NCOR1: variants seen among roughly 807,000 people sequenced by gnomAD.
NCOR1 encodes the protein nuclear receptor corepressor 1.
Under a neutral mutation model 288.1 loss-of-function variants are expected in NCOR1, and 63 were observed. That is an observed-to-expected ratio of 0.22 (90% CI 0.18 to 0.27). The LOEUF (loss-of-function observed/expected upper bound fraction) is 0.27, where lower values mean the gene tolerates loss of function less well. NCOR1 is among the 10% of genes least tolerant of loss of function. The pLI is 1.00. For missense variants in NCOR1, 2,397 were observed against 3,019.2 expected (o/e 0.79, Z 4.83); for synonymous variants, 1,007 against 1,065.9 (o/e 0.94, Z 1.08).
chr17:16,153,948 T>C (rs1454715763), intron 6 of NCOR1, among the ~76,000 whole-genome samples: 1 of 152,064 alleles, frequency 6.6e-6, no homozygotes, highest in Non-Finnish European at 1.5e-5. Context: ...AACCGCTAAT[T>C]TGAATTATTC....
chr17:16,070,565 T>A (rs1373423231), intron 30 of NCOR1, 40 bp from the exon 31 acceptor site: 1 of 1,587,640 alleles, frequency 6.3e-7, no homozygotes, highest in Admixed American at 1.7e-5. Flanking sequence ...AGCAAAGTCA[T>A]CTGGCTACTT....
At chr17:16,214,670 TC>T (rs898891288) in intron 1 of NCOR1, among the ~76,000 whole-genome samples, 4 of 152,204 alleles carry the variant, frequency 2.6e-5, no homozygotes, top group Non-Finnish European at 5.9e-5. Context: ...ACATGACTAT[TC>T]CTGATCCAGT....
At chr17:16,135,992 G>A (rs2076340697) in intron 14 of NCOR1, among the ~76,000 whole-genome samples, 1 of 152,202 alleles carries the variant, frequency 6.6e-6, no homozygotes, top group Admixed American at 6.5e-5. Flanking sequence ...ATCTATCCGG[G>A]TGTAGACAGC....
At chr17:16,188,511 T>C (rs1379284396) in intron 2 of NCOR1, among the ~76,000 whole-genome samples, 1 of 151,532 alleles carries the variant, frequency 6.6e-6, no homozygotes, top group African/African-American at 2.4e-5. Flanking sequence ...CTCAGGAGGC[T>C]GAGGCAGGAG....
intron 3 of NCOR1, among the ~76,000 whole-genome samples, chr17:16,184,273 GCAGCC>G (rs2086143495): frequency 6.6e-6 from 1 of 152,116 alleles, no homozygotes; most frequent in Non-Finnish European, 1.5e-5. Context: ...AAATGAGTCA[GCAGCC>G]TGTAGACACA....
chr17:16,187,295 G>C (rs757544153), intron 2 of NCOR1, among the ~76,000 whole-genome samples: 6 of 150,416 alleles, frequency 4.0e-5, no homozygotes, highest in Admixed American at 6.6e-5. Context: ...AATAAGCTAG[G>C]AACTCCAGTC....
chr17:16,207,988 C>T (rs190533201), intron 1 of NCOR1, among the ~76,000 whole-genome samples: 326 of 149,624 alleles, frequency 2.2e-3, no homozygotes, highest in African/African-American at 7.6e-3. Flanking sequence ...CAAAGGGAGT[C>T]CTGAATTCTA....
rs1341189378 is a variant in NCOR1, at chr17:16,108,657, G to A, written c.2182+129C>T. 4.7e-6 allele frequency: 3 copies of A among 641,342 alleles called. No homozygotes were observed. In the East Asian group the frequency reaches 8.8e-5, roughly 19 times the overall value. The allele number at this position is 641,342 out of a possible 1,614,324, so 39.7% of individuals were successfully genotyped here. ...GAATAAAAACATTATGTTCAAGTTT[G>A]AAGTCTCCACACCATGAAAACACTG... On this transcript the variant is annotated intron_variant, in intron 19 of 45. Transcript: ENST00000268712.
chr17:16,073,793 T>G (rs59543390), intron 27 of NCOR1, among the ~76,000 whole-genome samples: 3,884 of 152,318 alleles, frequency 0.025, 163 homozygotes, highest in African/African-American at 0.089. Flanking sequence ...GCAGGTAAGA[T>G]TAACAAATTA....
At chr17:16,183,290 G>A (rs2085925749) in intron 3 of NCOR1, among the ~76,000 whole-genome samples, 1 of 142,684 alleles carries the variant, frequency 7.0e-6, no homozygotes, top group African/African-American at 2.6e-5. Context: ...CAGTCAGAAA[G>A]GAAAAAGTAA....
intron 30 of NCOR1, among the ~76,000 whole-genome samples, chr17:16,071,076 T>A (rs2061697200): frequency 6.6e-6 from 1 of 151,518 alleles, no homozygotes; most frequent in South Asian, 2.1e-4. Context: ...AGCTCAGGAG[T>A]TCGAGACCAG....
intron 10 of NCOR1, among the ~76,000 whole-genome samples, chr17:16,144,937 G>A (rs757870872): frequency 5.9e-5 from 9 of 151,694 alleles, no homozygotes; most frequent in Non-Finnish European, 7.4e-5. Flanking sequence ...TCCTTCTCCC[G>A]CTTTCCACCG....
intron 42 of NCOR1, among the ~76,000 whole-genome samples, chr17:16,044,207 CT>C (rs2058268857): frequency 6.7e-6 from 1 of 150,294 alleles, no homozygotes; most frequent in Non-Finnish European, 1.5e-5. Flanking sequence ...GAAAGGCTAT[CT>C]GTAAGCCTGA....
At chr17:16,065,417 CT>C in intron 33 of NCOR1, 67 bp downstream of exon 33, 1 of 1,479,108 alleles carries the variant, frequency 6.8e-7, no homozygotes, top group African/African-American at 1.4e-5. Context: ...CAAGTATTTA[CT>C]GAGTACCTAA....
chr17:16,087,788 CT>C (rs1317437980), intron 22 of NCOR1, among the ~76,000 whole-genome samples: 4 of 152,228 alleles, frequency 2.6e-5, no homozygotes, highest in Admixed American at 2.6e-4. Context: ...TGGAAGAAGC[CT>C]TTCAAAAGAT....
intron 15 of NCOR1, among the ~76,000 whole-genome samples, chr17:16,122,064 T>C (rs1377895840): frequency 1.3e-5 from 2 of 152,248 alleles, no homozygotes; most frequent in Non-Finnish European, 2.9e-5. Flanking sequence ...AACAGTTTGC[T>C]ATTATTCAAG....
intron 35 of NCOR1, among the ~76,000 whole-genome samples, chr17:16,063,216 T>C (rs559786080): frequency 2.6e-5 from 4 of 152,280 alleles, no homozygotes; most frequent in South Asian, 4.1e-4. Context: ...CATCACACTC[T>C]GTCACCCAGG....
intron 14 of NCOR1, among the ~76,000 whole-genome samples, chr17:16,134,979 G>A (rs921775305): frequency 6.6e-6 from 1 of 151,954 alleles, no homozygotes; most frequent in Non-Finnish European, 1.5e-5. Context: ...CTAACACGGT[G>A]AAACCCCGTC....
intron 6 of NCOR1, among the ~76,000 whole-genome samples, chr17:16,157,675 C>T (rs1199328493): frequency 2.0e-5 from 3 of 152,082 alleles, no homozygotes; most frequent in African/African-American, 7.2e-5. Context: ...GATGATCATG[C>T]CTTTAGCTAA....
Sources: allele counts gnomAD v4.1 joint callset (sites outside exome capture counted in the v4.1 genomes callset), GRCh38; gene constraint gnomAD v4.1.1; transcripts MANE v1.5; gene names NCBI Gene and HGNC (gene_info 2026-07-23, HGNC 2026-07-21).